UBE3D: variants seen among roughly 807,000 people sequenced by gnomAD.
UBE3D encodes ubiquitin protein ligase E3D.
A neutral mutation model predicts 49.6 loss-of-function variants in UBE3D; 48 were observed. The observed-to-expected ratio is 0.97, with a 90% CI of 0.77 to 1.23. The LOEUF (loss-of-function observed/expected upper bound fraction) is 1.23. Among genes scored for constraint, UBE3D ranks in the 50% most tolerant of loss-of-function variants. The pLI is 0.00. For synonymous variants in UBE3D, 189 were observed against 174.2 expected (o/e 1.08, Z -0.67); for missense variants, 452 against 468.4 (o/e 0.96, Z 0.32).
intron 8 of UBE3D, among the ~76,000 whole-genome samples, chr6:82,960,047 GTAT>G (rs1776442270): frequency 6.6e-6 from 1 of 152,120 alleles, no homozygotes; most frequent in Non-Finnish European, 1.5e-5. Flanking sequence ...TGTCTCTTCT[GTAT>G]GCAGGAGCTC....
chr6:82,887,393 T>TTGTTTTGTTTTGTTTTG (rs1282836343), downstream of UBE3D, among the ~76,000 whole-genome samples: 34 of 135,100 alleles, frequency 2.5e-4, no homozygotes, highest in South Asian at 2.4e-3. Flanking sequence ...GTAACAGTTT[T>TTGTTTTGTTTTGTTTTG]TTTTTTTTTT....
At chr6:82,941,817 G>A (rs1582415782) in intron 9 of UBE3D, among the ~76,000 whole-genome samples, 2 of 152,280 alleles carry the variant, frequency 1.3e-5, no homozygotes, top group African/African-American at 4.8e-5. Context: ...CTGTGAAGAG[G>A]TACCTTCTGC....
At chr6:82,952,825 A>G (rs1775899361) in intron 9 of UBE3D, among the ~76,000 whole-genome samples, 2 of 152,188 alleles carry the variant, frequency 1.3e-5, no homozygotes, top group Non-Finnish European at 2.9e-5. Context: ...TCAGTCTCCA[A>G]TATCAACTTA....
downstream of UBE3D, among the ~76,000 whole-genome samples, chr6:82,888,650 GTA>G (rs1770931230): frequency 6.6e-6 from 1 of 152,074 alleles, no homozygotes; most frequent in African/African-American, 2.4e-5. Context: ...ATTGTACCTT[GTA>G]ACCAAAGGAT....
chr6:83,058,316 A>G (rs942626118), intron 1 of UBE3D, among the ~76,000 whole-genome samples: 5 of 152,258 alleles, frequency 3.3e-5, no homozygotes, highest in Admixed American at 6.5e-5. Context: ...AGAGCAAAGT[A>G]CTGTTATTTC....
chr6:82,950,240 T>C (rs1278206386), intron 9 of UBE3D, among the ~76,000 whole-genome samples: 2 of 152,086 alleles, frequency 1.3e-5, no homozygotes, highest in African/African-American at 2.4e-5. Flanking sequence ...ATATACACAA[T>C]TGGCAAACAA....
intron 5 of UBE3D, among the ~76,000 whole-genome samples, chr6:83,031,991 T>G (rs1394977381): frequency 6.6e-6 from 1 of 152,142 alleles, no homozygotes; most frequent in Non-Finnish European, 1.5e-5. Context: ...CGCCTGGATG[T>G]CCAGGCAGAG....
At chr6:83,003,272 T>G (rs184828800) in intron 8 of UBE3D, among the ~76,000 whole-genome samples, 10 of 152,262 alleles carry the variant, frequency 6.6e-5, no homozygotes, top group Non-Finnish European at 1.3e-4. Flanking sequence ...ATTTGTATTC[T>G]CACAGATCAT....
At chr6:82,902,603 G>A (rs1771818893) in intron 9 of UBE3D, among the ~76,000 whole-genome samples, 1 of 152,296 alleles carries the variant, frequency 6.6e-6, no homozygotes, top group Middle Eastern at 3.4e-3. Context: ...GTGATTGCAG[G>A]GGTTAAGGAT....
At chr6:83,027,313 G>A (rs1562201839) in intron 5 of UBE3D, among the ~76,000 whole-genome samples, 1 of 151,580 alleles carries the variant, frequency 6.6e-6, no homozygotes, top group South Asian at 2.1e-4. Flanking sequence ...GTGCATGTGT[G>A]TAATCCCAGC....
At chr6:83,030,658 T>C (rs1282158414) in intron 5 of UBE3D, among the ~76,000 whole-genome samples, 1 of 152,128 alleles carries the variant, frequency 6.6e-6, no homozygotes, top group African/African-American at 2.4e-5. Flanking sequence ...GAAGCGACTT[T>C]GGAATTTGGG....
intron 9 of UBE3D, among the ~76,000 whole-genome samples, chr6:82,919,276 G>A (rs530169317): frequency 3.3e-3 from 504 of 152,048 alleles, no homozygotes; most frequent in Non-Finnish European, 5.5e-3. Context: ...AAGTGGTGGT[G>A]ACCCATGCTC....
intron 8 of UBE3D, among the ~76,000 whole-genome samples, chr6:82,985,936 A>G (rs1308658568): frequency 1.3e-5 from 2 of 152,104 alleles, no homozygotes; most frequent in African/African-American, 2.4e-5. Flanking sequence ...ACATTTTAAT[A>G]TTAATATCTG....
At chr6:83,028,606 G>A (rs1002752456) in intron 5 of UBE3D, among the ~76,000 whole-genome samples, 3 of 152,118 alleles carry the variant, frequency 2.0e-5, no homozygotes, top group Non-Finnish European at 2.9e-5. Flanking sequence ...TCTAATTTTA[G>A]AGAATGGGCA....
intron 9 of UBE3D, among the ~76,000 whole-genome samples, chr6:82,918,033 C>A (rs540720379): frequency 2.6e-5 from 4 of 152,252 alleles, no homozygotes; most frequent in African/African-American, 7.2e-5. Context: ...TCAATAAATT[C>A]TCTGCTTTCT....
At chr6:82,966,064 G>A (rs1165288079) in intron 8 of UBE3D, among the ~76,000 whole-genome samples, 1 of 151,968 alleles carries the variant, frequency 6.6e-6, no homozygotes, top group African/African-American at 2.4e-5. Context: ...ATCCTCAACC[G>A]CCTCATTATT....
intron 9 of UBE3D, among the ~76,000 whole-genome samples, chr6:82,896,763 A>G (rs943114001): frequency 2.0e-5 from 3 of 150,688 alleles, no homozygotes; most frequent in Non-Finnish European, 3.0e-5. Flanking sequence ...TTTTTTTGAG[A>G]GAGAGTCTTG....
chr6:82,959,909 A>G (rs1332627289), intron 8 of UBE3D, among the ~76,000 whole-genome samples: 1 of 152,058 alleles, frequency 6.6e-6, no homozygotes, highest in Admixed American at 6.6e-5. Flanking sequence ...AGGCAGCTCC[A>G]GGAAGTCTTC....
intron 9 of UBE3D, among the ~76,000 whole-genome samples, chr6:82,936,175 C>T (rs1340281023): frequency 6.6e-6 from 1 of 152,092 alleles, no homozygotes; most frequent in East Asian, 1.9e-4. Context: ...TATATTCCAT[C>T]CTGCCCCTGC....
Sources: allele counts gnomAD v4.1 joint callset (sites outside exome capture counted in the v4.1 genomes callset), GRCh38; gene constraint gnomAD v4.1.1; transcripts MANE v1.5; gene names NCBI Gene and HGNC (gene_info 2026-07-23, HGNC 2026-07-21).